Variants in PELI2 observed in about 807,000 individuals in gnomAD.
PELI2 encodes pellino E3 ubiquitin protein ligase family member 2.
PELI2 carries 23 observed loss-of-function variants against 42.3 expected under a neutral mutation model. The observed-to-expected ratio is 0.54, with a 90% CI of 0.39 to 0.77. The LOEUF (loss-of-function observed/expected upper bound fraction) is 0.77. PELI2 is among the 30% of genes least tolerant of loss of function. The pLI is 0.00. For missense variants in PELI2, 463 were observed against 553.2 expected (o/e 0.84, Z 1.64); for synonymous variants, 245 against 212.2 (o/e 1.15, Z -1.34).
At chr14:56,168,770 G>A (rs547270942) in intron 1 of PELI2, among the ~76,000 whole-genome samples, 2 of 151,156 alleles carry the variant, frequency 1.3e-5, no homozygotes, top group Admixed American at 1.3e-4. Flanking sequence ...CCACAGCTGG[G>A]AATGTGCTGA....
rs762088479 is a variant in PELI2 at position 56,164,836 on chromosome 14, A to G, written c.78-13499A>G. Among the ~76,000 whole-genome samples, 13 of 151,828 alleles carry G rather than the reference A, an allele frequency of 8.6e-5. 1 individual carries two copies. The highest frequency in any genetic ancestry group is 6.2e-4 in the South Asian group (3 of 4,816). On this transcript the variant is annotated intron_variant, in intron 1 of 5. Coordinates refer to ENST00000267460, the MANE Select transcript of PELI2 (RefSeq NM_021255.3). ...ATTTATTGGCATATAGTTGCTCATG[A>G]TAGCCACTAATGATCATTTGGATTT...
At chr14:56,206,947 T>G (rs530893353) in intron 2 of PELI2, among the ~76,000 whole-genome samples, 16 of 152,366 alleles carry the variant, frequency 1.1e-4, no homozygotes, top group Admixed American at 1.0e-3. Context: ...TGGCTATGCC[T>G]AATCAAAATG....
At chr14:56,172,778 T>G (rs988433645) in intron 1 of PELI2, among the ~76,000 whole-genome samples, 4 of 152,210 alleles carry the variant, frequency 2.6e-5, no homozygotes, top group Non-Finnish European at 4.4e-5. Context: ...GTTTTTGCTT[T>G]GTTTTGAAGA....
In PELI2 at chr14:56,273,083, G is replaced by A. The variant is rs117606861; in HGVS notation, c.208-6593G>A. On this transcript the variant is annotated intron_variant, in intron 2 of 5. Transcript: ENST00000267460. The surrounding 1 kb of genome is among the most constrained non-coding windows in gnomAD (Gnocchi z 4.3). ...TTTTGTGGGTCAGGAATCTGGGAAG[G>A]GCACCACTGAGTAGTCAGTCTCTGG... Among the ~76,000 whole-genome samples, 6 of 152,288 alleles carry A rather than the reference G, an allele frequency of 3.9e-5. No homozygotes were observed. Among genetic ancestry groups the A allele is most frequent in the Non-Finnish European group, 5.9e-5 (4 of 68,020 alleles).
Position 56,150,196 on chromosome 14 carries a change from C to T in PELI2, c.78-28139C>T, listed in dbSNP as rs914520141. 1.3e-4 allele frequency among the ~76,000 whole-genome samples: 20 copies of T among 152,224 alleles called. No individual in the cohort carries two copies. In the East Asian group the frequency reaches 1.3e-3, roughly 10 times the overall value. ...GGGATTAAGTCCCTGGCAGCAAGCA[C>T]GGCGTAACTGTCAAGTGTGTCTGGT... is the stretch of plus-strand genomic sequence containing the variant. On this transcript the variant is annotated intron_variant, in intron 1 of 5. Transcript: ENST00000267460.
Position 56,297,273 on chromosome 14 carries a change from A to G in PELI2, c.*107A>G, listed in dbSNP as rs1566691955. 1.4e-5 allele frequency: 9 copies of G among 646,082 alleles called. No individual in the cohort carries two copies. Among genetic ancestry groups the G allele is most frequent in the Non-Finnish European group, 2.1e-5 (8 of 376,296 alleles). 40.0% of individuals were successfully genotyped at this position (646,082 alleles called of 1,614,324 possible). ...ATGCTGTTTATCAGAGGAGGGTGAC[A>G]GGGGCTGGAAATAAAGAGAGGGGAC... is the stretch of plus-strand genomic sequence containing the variant. On this transcript the variant is annotated 3_prime_UTR_variant, in exon 6 of 6. Transcript: ENST00000267460.
At chr14:56,211,715 T>C (rs1886717783) in intron 2 of PELI2, among the ~76,000 whole-genome samples, 1 of 152,220 alleles carries the variant, frequency 6.6e-6, no homozygotes, top group Non-Finnish European at 1.5e-5. Flanking sequence ...ATGTGTGTTA[T>C]TTTTGTATTG....
intron 2 of PELI2, among the ~76,000 whole-genome samples, chr14:56,194,919 T>G (rs1886079575): frequency 6.6e-6 from 1 of 152,224 alleles, no homozygotes; most frequent in Admixed American, 6.5e-5. Context: ...CGAGTGTTGA[T>G]GCTTTGGATT....
intron 5 of PELI2, among the ~76,000 whole-genome samples, chr14:56,295,063 T>G (rs111316490): frequency 6.6e-6 from 1 of 151,968 alleles, no homozygotes; most frequent in East Asian, 1.9e-4. Context: ...CTTGCTCAGA[T>G]CAAGAGCTGA....
At chr14:56,248,251 A>T (rs754770062) in intron 2 of PELI2, among the ~76,000 whole-genome samples, 53 of 152,238 alleles carry the variant, frequency 3.5e-4, no homozygotes, top group Non-Finnish European at 6.3e-4. Flanking sequence ...AGCCGACCAA[A>T]TATGTGGCTT....
intron 2 of PELI2, among the ~76,000 whole-genome samples, chr14:56,226,390 A>G (rs752896355): frequency 6.6e-6 from 1 of 152,204 alleles, no homozygotes; most frequent in Non-Finnish European, 1.5e-5. Context: ...CTGCCAGGCA[A>G]ACCTTGCTTC....
intron 2 of PELI2, among the ~76,000 whole-genome samples, chr14:56,212,564 G>A (rs1886749435): frequency 6.6e-6 from 1 of 152,186 alleles, no homozygotes; most frequent in Admixed American, 6.5e-5. Context: ...GAGGCTTTCT[G>A]AGGACAACTG....
intron 1 of PELI2, among the ~76,000 whole-genome samples, chr14:56,122,927 A>C (rs1229833275): frequency 6.6e-6 from 1 of 152,266 alleles, no homozygotes; most frequent in Non-Finnish European, 1.5e-5. Flanking sequence ...ATGTTTAAAA[A>C]CATTAGTCTG....
intron 2 of PELI2, among the ~76,000 whole-genome samples, chr14:56,215,876 C>T (rs950099133): frequency 6.6e-6 from 1 of 152,190 alleles, no homozygotes; most frequent in Admixed American, 6.5e-5. Flanking sequence ...AGTAATGACA[C>T]TACAGTGGGT....
At chr14:56,200,788 CAGA>C (rs548185050) in intron 2 of PELI2, among the ~76,000 whole-genome samples, 2 of 152,176 alleles carry the variant, frequency 1.3e-5, no homozygotes, top group Non-Finnish European at 2.9e-5. Flanking sequence ...CAGGCCTTAG[CAGA>C]AGAACTGTTG....
chr14:56,137,280 C>A (rs1036035140), intron 1 of PELI2, among the ~76,000 whole-genome samples: 5 of 151,710 alleles, frequency 3.3e-5, no homozygotes, highest in Non-Finnish European at 4.4e-5. Flanking sequence ...TGAGAAGTGT[C>A]TTTCTCAGTC....
chr14:56,200,392 G>A (rs764126198), intron 2 of PELI2, among the ~76,000 whole-genome samples: 8 of 152,216 alleles, frequency 5.3e-5, no homozygotes, highest in Non-Finnish European at 1.0e-4. Context: ...GAGGCACAGA[G>A]TGTTAAGTAA....
At chr14:56,195,789 T>G (rs1237045846) in intron 2 of PELI2, among the ~76,000 whole-genome samples, 1 of 152,138 alleles carries the variant, frequency 6.6e-6, no homozygotes. Flanking sequence ...TAAATGTGAA[T>G]CAGATGTCAA....
At chr14:56,142,929 T>G (rs1013086270) in intron 1 of PELI2, among the ~76,000 whole-genome samples, 50 of 152,216 alleles carry the variant, frequency 3.3e-4, no homozygotes, top group Non-Finnish European at 1.0e-4. Context: ...CCTTCATGCT[T>G]CTTCTAATAT....
Sources: allele counts gnomAD v4.1 joint callset (sites outside exome capture counted in the v4.1 genomes callset), GRCh38; gene constraint gnomAD v4.1.1; non-coding constraint Gnocchi (gnomAD v3.1); transcripts MANE v1.5; gene names NCBI Gene and HGNC (gene_info 2026-07-23, HGNC 2026-07-21).